Variants in SUPT3H observed in about 807,000 individuals in gnomAD.
The protein encoded by SUPT3H is SPT3 homolog, SAGA and STAGA complex component, also known as transcription initiation protein SPT3 homolog.
A neutral mutation model predicts 44.3 loss-of-function variants in SUPT3H; 44 were observed. The ratio of observed to expected loss-of-function variants is 0.99; its 90% CI spans 0.78 to 1.28. SUPT3H has a LOEUF of 1.28. SUPT3H is among the 50% of genes most tolerant of loss of function. SUPT3H has a pLI of 0.00. For missense variants in SUPT3H, 380 were observed against 387.1 expected (o/e 0.98, Z 0.15); for synonymous variants, 124 against 125.6 (o/e 0.99, Z 0.09).
chr6:45,305,354 T>A (rs1385461831), intron 2 of SUPT3H, among the ~76,000 whole-genome samples: 1 of 152,234 alleles, frequency 6.6e-6, no homozygotes, highest in Non-Finnish European at 1.5e-5. Context: ...TTCAGTGTTA[T>A]TACACATATA....
chr6:45,104,577 T>C (rs959361671), intron 3 of SUPT3H, among the ~76,000 whole-genome samples: 5 of 152,068 alleles, frequency 3.3e-5, no homozygotes, highest in African/African-American at 1.2e-4. Flanking sequence ...TTTTAATTTG[T>C]TCTAAACGGA....
intron 2 of SUPT3H, among the ~76,000 whole-genome samples, chr6:45,303,508 A>G (rs1340952342): frequency 6.6e-6 from 1 of 152,176 alleles, no homozygotes. Flanking sequence ...CAACAAACAT[A>G]TGAAAAAATG....
At chr6:45,253,654 G>A (rs1169919843) in intron 2 of SUPT3H, among the ~76,000 whole-genome samples, 3 of 151,418 alleles carry the variant, frequency 2.0e-5, no homozygotes, top group Non-Finnish European at 4.4e-5. Flanking sequence ...TCAACTAAGC[G>A]TGGTCACACG....
intron 7 of SUPT3H, among the ~76,000 whole-genome samples, chr6:44,961,012 T>C (rs1474186353): frequency 1.3e-5 from 2 of 152,216 alleles, no homozygotes; most frequent in African/African-American, 4.8e-5. Context: ...CCTCAGACCA[T>C]GGTCATGTGC....
At chr6:45,263,541 T>TAC (rs1413204628) in intron 2 of SUPT3H, among the ~76,000 whole-genome samples, 1 of 152,134 alleles carries the variant, frequency 6.6e-6, no homozygotes, top group Non-Finnish European at 1.5e-5. Context: ...CTACGTTTAC[T>TAC]ACCTGGGTGA....
chr6:45,189,814 C>T (rs1287462194), intron 2 of SUPT3H, among the ~76,000 whole-genome samples: 1 of 152,178 alleles, frequency 6.6e-6, no homozygotes, highest in African/African-American at 2.4e-5. Flanking sequence ...CCATTAATAA[C>T]CCCACGTTCC....
downstream of SUPT3H, among the ~76,000 whole-genome samples, chr6:44,822,936 G>A (rs1281287101): frequency 6.6e-6 from 1 of 151,802 alleles, no homozygotes; most frequent in African/African-American, 2.4e-5. Context: ...TTTCCAACAT[G>A]GTGAAACCCT....
intron 2 of SUPT3H, among the ~76,000 whole-genome samples, chr6:45,201,797 G>A (rs181148930): frequency 0.018 from 2,660 of 151,850 alleles, 50 homozygotes; most frequent in South Asian, 0.084. Context: ...AAAATAATAT[G>A]TCTTTCACAT....
At chr6:45,008,416 G>T (rs552358287) in intron 5 of SUPT3H, among the ~76,000 whole-genome samples, 2 of 152,196 alleles carry the variant, frequency 1.3e-5, no homozygotes, top group South Asian at 4.1e-4. Context: ...ATGAAGTGGT[G>T]CAGTCACAGC....
chr6:45,037,484 T>C (rs1171447305), intron 3 of SUPT3H, among the ~76,000 whole-genome samples: 1 of 142,898 alleles, frequency 7.0e-6, no homozygotes, highest in East Asian at 2.0e-4. Context: ...CTGTCTCTAC[T>C]AAAAATACAA....
intron 9 of SUPT3H, among the ~76,000 whole-genome samples, chr6:44,946,851 C>T (rs1046476423): frequency 6.6e-6 from 1 of 152,146 alleles, no homozygotes; most frequent in Non-Finnish European, 1.5e-5. Flanking sequence ...AGAAGTACTG[C>T]TATGGGTAAA....
intron 2 of SUPT3H, among the ~76,000 whole-genome samples, chr6:45,340,696 C>A (rs781363784): frequency 6.6e-6 from 1 of 151,986 alleles, no homozygotes; most frequent in Non-Finnish European, 1.5e-5. Flanking sequence ...AATTAATAGT[C>A]TTAATGTCCA....
At chr6:45,258,069 A>C (rs538943047) in intron 2 of SUPT3H, among the ~76,000 whole-genome samples, 1 of 152,334 alleles carries the variant, frequency 6.6e-6, no homozygotes, top group Admixed American at 6.5e-5. Flanking sequence ...ATCGTTCTTG[A>C]ATAATTGTTA....
chr6:45,002,445 C>T (rs1782129231), intron 6 of SUPT3H, among the ~76,000 whole-genome samples: 2 of 151,704 alleles, frequency 1.3e-5, no homozygotes, highest in African/African-American at 4.8e-5. Context: ...CCTTAATGAA[C>T]CTTTCTCAGT....
intron 9 of SUPT3H, among the ~76,000 whole-genome samples, chr6:44,946,471 G>A (rs1773360951): frequency 6.6e-6 from 1 of 152,154 alleles, no homozygotes; most frequent in Non-Finnish European, 1.5e-5. Context: ...CACGTGAAGA[G>A]GTCAAAATAT....
rs140766695 is a variant in SUPT3H, at chr6:45,291,061, A to C, written c.101+74140T>G. Among the ~76,000 whole-genome samples the C allele has an allele frequency of 5.3e-3, 803 of 152,312 alleles. 5 individuals are homozygous for C. Among genetic ancestry groups the C allele is most frequent in the African/African-American group, 0.018 (749 of 41,576 alleles). ...GCAGATTCCTCCTGCAAGACCCTGG[A>C]GACACCCCAAATACTGTGCTGGTAT... On this transcript the variant is annotated intron_variant, in intron 2 of 10. Transcript: ENST00000371459.
intron 2 of SUPT3H, among the ~76,000 whole-genome samples, chr6:45,242,128 T>C (rs146837760): frequency 6.6e-6 from 1 of 152,236 alleles, no homozygotes; most frequent in East Asian, 1.9e-4. Context: ...ATAAAATACA[T>C]GAAATAACTG....
intron 2 of SUPT3H, among the ~76,000 whole-genome samples, chr6:45,148,029 G>A (rs1037277065): frequency 2.1e-4 from 32 of 152,044 alleles, no homozygotes; most frequent in African/African-American, 7.5e-4. Context: ...GTAAAGCAAA[G>A]CATCACTGCT....
At chr6:45,151,390 C>T (rs1444520450) in intron 2 of SUPT3H, among the ~76,000 whole-genome samples, 1 of 152,106 alleles carries the variant, frequency 6.6e-6, no homozygotes, top group Non-Finnish European at 1.5e-5. Context: ...ATTGAAAGCC[C>T]ATATACCACC....
Sources: gnomAD v4.1 joint callset for allele counts (sites outside exome capture counted in the v4.1 genomes callset) on GRCh38, gnomAD v4.1.1 for gene constraint, MANE v1.5 for transcripts, NCBI Gene and HGNC (gene_info 2026-07-23, HGNC 2026-07-21) for gene names.